FMN1: variants seen among roughly 807,000 people sequenced by gnomAD.
The protein encoded by FMN1 is formin 1, also known as formin-1.
In FMN1, 110 loss-of-function variants were observed where a neutral mutation model predicts 132.4. The ratio of observed to expected loss-of-function variants is 0.83; its 90% CI spans 0.71 to 0.97. The LOEUF (loss-of-function observed/expected upper bound fraction) is 0.97. Among genes scored for constraint, FMN1 ranks in the 50% least tolerant of loss-of-function variants. The pLI, the probability that FMN1 is intolerant of heterozygous loss-of-function variation, is 0.00. For synonymous variants in FMN1, 722 were observed against 651.7 expected (o/e 1.11, Z -1.64); for missense variants, 1,792 against 1,705.3 (o/e 1.05, Z -0.90).
At chr15:33,185,135 G>A (rs997886455) in intron 2 of FMN1, among the ~76,000 whole-genome samples, 1 of 152,170 alleles carries the variant, frequency 6.6e-6, no homozygotes, top group African/African-American at 2.4e-5. Flanking sequence ...GCTGTGGTAA[G>A]TGACAAACTA....
rs575528847 is a variant in FMN1, at chr15:33,033,056, A to C, written c.2162-24981T>G. ...TCGTTTGTTTTTTGTTTTTAAATGG[A>C]GTCTCGCTCTGTCGCCCAGGATGGA... is the stretch of plus-strand genomic sequence containing the variant. On this transcript the variant is annotated intron_variant, in intron 6 of 20. Transcript: ENST00000616417. Among the ~76,000 whole-genome samples, 8 of 152,148 alleles carry C rather than the reference A, an allele frequency of 5.3e-5. No homozygotes were observed. The East Asian group carries it at 1.2e-3, about 22-fold the overall frequency.
chr15:32,965,986 C>G (rs77029154), intron 8 of FMN1, among the ~76,000 whole-genome samples: 4,213 of 151,974 alleles, frequency 0.028, 80 homozygotes, highest in East Asian at 0.094. Flanking sequence ...CTGGGGGAGA[C>G]GGGGGAGAAG....
Position 33,154,546 on chromosome 15 carries a change from G to C in FMN1, c.369C>G (p.Ser123=), listed in dbSNP as rs1030917580. The change falls in exon 4 of 21, where the codon TCC becomes TCG. Residue 123 remains serine (S), a synonymous_variant. Coordinates refer to ENST00000616417, the MANE Select transcript of FMN1 (RefSeq NM_001277313.2). Reference sequence around the variant, plus strand: ...AGTCATCCTCGGGGGCCAGGCTCACGGACAGCTCTTGCAGCTTCCCCTCCT... The same window carrying C: ...AGTCATCCTCGGGGGCCAGGCTCACCGACAGCTCTTGCAGCTTCCCCTCCT... The part of the protein sequence containing the change: ...GNQEGKLQEL[S]VSLAPEDDCF... The C allele has an allele frequency of 6.5e-7, 1 of 1,535,938 alleles. No individual in the cohort carries two copies. The highest frequency in any genetic ancestry group is 8.7e-7 in the Non-Finnish European group (1 of 1,146,910).
intron 4 of FMN1, among the ~76,000 whole-genome samples, chr15:33,099,509 C>G (rs2039213501): frequency 6.6e-6 from 1 of 152,074 alleles, no homozygotes; most frequent in Non-Finnish European, 1.5e-5. Flanking sequence ...TGAGAGCTAT[C>G]AAGATCAGCA....
At chr15:33,028,944 CAG>C (rs1432363623) in intron 6 of FMN1, among the ~76,000 whole-genome samples, 2 of 152,136 alleles carry the variant, frequency 1.3e-5, no homozygotes, top group African/African-American at 4.8e-5. Flanking sequence ...AAATAGAAAA[CAG>C]ATAAATTTGC....
At chr15:33,100,316 T>C (rs555736756) in intron 4 of FMN1, among the ~76,000 whole-genome samples, 6 of 151,606 alleles carry the variant, frequency 4.0e-5, no homozygotes, top group Middle Eastern at 3.5e-3. Flanking sequence ...AATGTCCTCA[T>C]ATCAATATTA....
intron 7 of FMN1, among the ~76,000 whole-genome samples, chr15:32,978,281 T>C (rs2032374536): frequency 1.3e-5 from 2 of 152,236 alleles, no homozygotes; most frequent in African/African-American, 4.8e-5. Flanking sequence ...GTTTGAAATC[T>C]GCACTGAGGT....
rs1055518917 is a variant in FMN1, at chr15:33,163,587, C to T, written c.-131-8542G>A. 3.0e-5 allele frequency among the ~76,000 whole-genome samples: 4 copies of T among 132,020 alleles called. No individual in the cohort carries two copies. The East Asian group carries it at 6.3e-4, about 21-fold the overall frequency. 86.6% of individuals were successfully genotyped at this position (132,020 alleles called of 152,430 possible). On this transcript the variant is annotated intron_variant, in intron 3 of 20. Transcript: ENST00000616417. ...GGGATTACAGGCGTGAGCTACCATG[C>T]CTGGCTGTTTTGTTTTGTTTTGTTT...
At chr15:33,076,130 G>A (rs1341454159) in intron 5 of FMN1, among the ~76,000 whole-genome samples, 2 of 152,168 alleles carry the variant, frequency 1.3e-5, no homozygotes, top group Non-Finnish European at 2.9e-5. Context: ...GAGGGTTGGT[G>A]GGTAGCAGTC....
chr15:33,153,767 G>A lies in FMN1; in HGVS notation c.1148C>T (p.Ser383Phe). 4 of 1,536,292 alleles carry A rather than the reference G, an allele frequency of 2.6e-6. No homozygotes were observed. The East Asian group carries it at 9.8e-5, about 38-fold the overall frequency. ...TTGCCGCTCCTTGCCCTGCCGCCTG[G>A]AGCCATGAGCCCCAGCCTCAGCTCC... is the stretch of plus-strand genomic sequence containing the variant. ...LPGAEAGAHG[S>F]RRQGKERQGD... The change falls in exon 4 of 21, where the codon TCC becomes TTC. Residue 383 changes from serine (S) to phenylalanine (F), a missense_variant. This residue lies in a region of FMN1 where 638 missense variants were observed against 645.2 expected (regional missense o/e 0.99). Coordinates refer to ENST00000616417, the MANE Select transcript of FMN1 (RefSeq NM_001277313.2).
At chr15:32,802,292 G>A (rs183750055) in intron 18 of FMN1, among the ~76,000 whole-genome samples, 2 of 152,282 alleles carry the variant, frequency 1.3e-5, no homozygotes, top group Middle Eastern at 3.4e-3. Context: ...AGCCTGTAGC[G>A]AAGTGAACTG....
Position 33,146,655 on chromosome 15 carries a change from T to C in FMN1, c.1867+6393A>G, listed in dbSNP as rs1371165177. On this transcript the variant is annotated intron_variant, in intron 4 of 20. Transcript: ENST00000616417. ...GGCACACAGAGGAACTCCAAGGGGA[T>C]GGTATGACCTAATATCACAGCCCAG... 2.0e-5 allele frequency among the ~76,000 whole-genome samples: 3 copies of C among 152,084 alleles called. No homozygotes were observed. In the East Asian group the frequency reaches 5.8e-4, roughly 29 times the overall value.
chr15:33,177,459 T>G (rs1002025900), intron 3 of FMN1, among the ~76,000 whole-genome samples: 5 of 152,196 alleles, frequency 3.3e-5, no homozygotes, highest in Admixed American at 1.3e-4. Context: ...CTAACAGTAC[T>G]CTTGTGCAAG....
At chr15:32,940,305 T>C (rs555392865) in intron 9 of FMN1, among the ~76,000 whole-genome samples, 112 of 152,098 alleles carry the variant, frequency 7.4e-4, no homozygotes, top group Non-Finnish European at 1.4e-3. Context: ...TTGCTCGTCA[T>C]TGTATCAACG....
chr15:32,806,640 T>G (rs1567198516), intron 17 of FMN1, among the ~76,000 whole-genome samples: 1 of 152,144 alleles, frequency 6.6e-6, no homozygotes, highest in Admixed American at 6.5e-5. Flanking sequence ...TGGCATTACC[T>G]CCTCTTTCCC....
At chr15:33,108,392 A>G (rs952065383) in intron 4 of FMN1, among the ~76,000 whole-genome samples, 4 of 152,078 alleles carry the variant, frequency 2.6e-5, no homozygotes, top group Admixed American at 1.3e-4. Context: ...ATGAGTAGGG[A>G]AAGGAGATAA....
intron 17 of FMN1, among the ~76,000 whole-genome samples, chr15:32,805,694 G>A (rs548441118): frequency 5.3e-5 from 8 of 152,296 alleles, no homozygotes; most frequent in African/African-American, 1.9e-4. Flanking sequence ...GGTAGATCAC[G>A]ACATGTGGTC....
intron 9 of FMN1, among the ~76,000 whole-genome samples, chr15:32,935,130 G>C (rs892771082): frequency 1.3e-5 from 2 of 151,190 alleles, no homozygotes; most frequent in African/African-American, 4.9e-5. Flanking sequence ...ACCATGTTGG[G>C]AAGGCTGGTC....
At chr15:33,002,642 T>A (rs997823172) in intron 7 of FMN1, among the ~76,000 whole-genome samples, 1 of 152,220 alleles carries the variant, frequency 6.6e-6, no homozygotes, top group Non-Finnish European at 1.5e-5. Flanking sequence ...TGCCTGCGAC[T>A]TAGCCCCAGC....
Sources: gnomAD v4.1 joint callset for allele counts (sites outside exome capture counted in the v4.1 genomes callset) on GRCh38, gnomAD v4.1.1 for gene constraint, gnomAD v4.1.1 regional missense constraint, MANE v1.5 for transcripts, NCBI Gene and HGNC (gene_info 2026-07-23, HGNC 2026-07-21) for gene names.